SLCO6A1: variants seen among roughly 807,000 people sequenced by gnomAD.
SLCO6A1 encodes the protein cancer/testis antigen 48.
Under a neutral mutation model 72.7 loss-of-function variants are expected in SLCO6A1, and 65 were observed. The ratio of observed to expected loss-of-function variants is 0.89; its 90% CI spans 0.73 to 1.10. The LOEUF is 1.10. SLCO6A1 is among the 50% of genes least tolerant of loss of function. The probability of loss-of-function intolerance (pLI) is 0.00; values close to 1 mark genes in which losing one functional copy is unlikely to be tolerated. For synonymous variants in SLCO6A1, 314 were observed against 298.2 expected (o/e 1.05, Z -0.55); for missense variants, 874 against 872.6 (o/e 1.00, Z -0.02).
At chr5:102,459,604 T>C (rs1561480010) in intron 5 of SLCO6A1, 52 bp downstream of exon 5, 9 of 1,515,372 alleles carry the variant, frequency 5.9e-6, no homozygotes, top group South Asian at 5.3e-5. Context: ...ATAAGAACCA[T>C]GGTGGAAGAA....
At chr5:102,432,338 T>G (rs1036901928) in intron 7 of SLCO6A1, among the ~76,000 whole-genome samples, 17 of 152,184 alleles carry the variant, frequency 1.1e-4, no homozygotes, top group African/African-American at 3.9e-4. Context: ...GTCAATGGTT[T>G]GCATACTTAA....
At chr5:102,393,580 T>G (rs1746892486) in intron 10 of SLCO6A1, among the ~76,000 whole-genome samples, 1 of 152,184 alleles carries the variant, frequency 6.6e-6, no homozygotes, top group Admixed American at 6.5e-5. Context: ...TTTTCTATTT[T>G]GTTTGGAGTA....
At chr5:102,456,025 T>G (rs554158454) in intron 6 of SLCO6A1, among the ~76,000 whole-genome samples, 1 of 152,196 alleles carries the variant, frequency 6.6e-6, no homozygotes, top group African/African-American at 2.4e-5. Context: ...TCTCAATATA[T>G]GCAGAAAAGG....
chr5:102,437,304 T>C (rs1029625867), intron 7 of SLCO6A1, among the ~76,000 whole-genome samples: 1 of 152,162 alleles, frequency 6.6e-6, no homozygotes, highest in African/African-American at 2.4e-5. Flanking sequence ...ATGTATTCTG[T>C]TATACTTTGA....
At chr5:102,391,459 G>A (rs1746754092) in intron 10 of SLCO6A1, among the ~76,000 whole-genome samples, 1 of 152,070 alleles carries the variant, frequency 6.6e-6, no homozygotes, top group Non-Finnish European at 1.5e-5. Flanking sequence ...GGGAGGCTGA[G>A]GTAAATGGAC....
At chr5:102,413,248 TTTC>T (rs1748089958) in intron 8 of SLCO6A1, 105 bp from the exon 9 acceptor site, 2 of 1,165,096 alleles carry the variant, frequency 1.7e-6, no homozygotes, top group African/African-American at 3.3e-5. Context: ...ATTGAAATAA[TTTC>T]TTTTTTTAAC....
chr5:102,457,392 A>C (rs958590670), intron 6 of SLCO6A1, among the ~76,000 whole-genome samples: 5 of 151,930 alleles, frequency 3.3e-5, no homozygotes, highest in South Asian at 2.1e-4. Context: ...CAATGAACTC[A>C]AACAAATTTA....
intron 7 of SLCO6A1, among the ~76,000 whole-genome samples, chr5:102,422,846 A>G (rs1377897028): frequency 6.6e-6 from 1 of 152,196 alleles, no homozygotes; most frequent in Non-Finnish European, 1.5e-5. Context: ...GGTTAAAACA[A>G]AGCAAAAAAT....
intron 9 of SLCO6A1, among the ~76,000 whole-genome samples, chr5:102,403,247 T>C (rs918891097): frequency 3.3e-5 from 5 of 152,208 alleles, no homozygotes; most frequent in African/African-American, 9.6e-5. Flanking sequence ...GGAGTATTTT[T>C]CTTACCCAAA....
At chr5:102,463,164 AAAATGCTCAATATCACTGATT>A (rs1208155220) in intron 4 of SLCO6A1, among the ~76,000 whole-genome samples, 1 of 152,234 alleles carries the variant, frequency 6.6e-6, no homozygotes, top group Non-Finnish European at 1.5e-5. Flanking sequence ...AACATATGAA[AAAATGCTCAATATCACTGATT>A]ATCAAGGGAA....
Position 102,406,464 on chromosome 5 carries a change from C to T in SLCO6A1, c.1626+6526G>A, listed in dbSNP as rs192174101. Among the ~76,000 whole-genome samples the T allele has an allele frequency of 7.2e-5, 11 of 151,840 alleles. No homozygotes were observed. In the East Asian group the frequency reaches 2.1e-3, roughly 29 times the overall value. On this transcript the variant is annotated intron_variant, in intron 9 of 13. Transcript: ENST00000506729. ...GGCATATACACGTTAATACACAACA[C>T]AAAAATAAAGAGAAATAGACAATTA...
At chr5:102,386,386 C>T (rs1246731612) in intron 12 of SLCO6A1, among the ~76,000 whole-genome samples, 1 of 152,106 alleles carries the variant, frequency 6.6e-6, no homozygotes, top group African/African-American at 2.4e-5. Context: ...TTGGGGTGGG[C>T]CTTGTTTCTG....
At chr5:102,381,623 C>A (rs765401298) in intron 12 of SLCO6A1, among the ~76,000 whole-genome samples, 14 of 151,470 alleles carry the variant, frequency 9.2e-5, no homozygotes, top group Non-Finnish European at 2.1e-4. Context: ...TGTGGTAGTT[C>A]TATTTCTAAT....
chr5:102,380,151 T>TA (rs1746030799), intron 12 of SLCO6A1, among the ~76,000 whole-genome samples: 1 of 151,972 alleles, frequency 6.6e-6, no homozygotes, highest in Non-Finnish European at 1.5e-5. Context: ...GTTCAATTTA[T>TA]AAAAAAAGTG....
At chr5:102,412,642 TTTCAACTATCCTGTAGGC>T (rs1339237828) in intron 9 of SLCO6A1, among the ~76,000 whole-genome samples, 1 of 151,936 alleles carries the variant, frequency 6.6e-6, no homozygotes, top group Non-Finnish European at 1.5e-5. Context: ...GCGCCTGTAG[TTTCAACTATCCTGTAGGC>T]TGAGGTGGGA....
At chr5:102,474,534 T>C (rs1451567661) in intron 4 of SLCO6A1, among the ~76,000 whole-genome samples, 1 of 151,974 alleles carries the variant, frequency 6.6e-6, no homozygotes, top group Non-Finnish European at 1.5e-5. Flanking sequence ...TTTTGGATAT[T>C]ACACCAAAAG....
rs745712691 is a variant in SLCO6A1, at chr5:102,464,434, TAAG to T, written c.900-4660_900-4658del. On this transcript the variant is annotated intron_variant, in intron 4 of 13. Coordinates refer to ENST00000506729, the MANE Select transcript of SLCO6A1 (RefSeq NM_173488.5). ...ACCAATATAAAAATAAGACAGGAAA[TAAG>T]AAGCAAATTCAAAAAAATACAGAAG... is the stretch of plus-strand genomic sequence containing the variant. 7.9e-5 allele frequency among the ~76,000 whole-genome samples: 12 copies of T among 152,082 alleles called. No individual in the cohort carries two copies. In the Middle Eastern group the frequency reaches 0.01, roughly 130 times the overall value.
chr5:102,476,984 T>C, intron 3 of SLCO6A1, among the ~76,000 whole-genome samples: 1 of 152,136 alleles, frequency 6.6e-6, no homozygotes, highest in East Asian at 1.9e-4. Flanking sequence ...GATTACTTAT[T>C]GTAGGATACA....
At chr5:102,406,999 G>GTCTC (rs3070360) in intron 9 of SLCO6A1, among the ~76,000 whole-genome samples, 97,968 of 151,626 alleles carry the variant, frequency 0.65, 31,836 homozygotes, top group African/African-American at 0.66. Flanking sequence ...ACACCCAAGA[G>GTCTC]TCCCTCTATT....
Sources: allele counts gnomAD v4.1 joint callset (sites outside exome capture counted in the v4.1 genomes callset), GRCh38; gene constraint gnomAD v4.1.1; transcripts MANE v1.5; gene names NCBI Gene and HGNC (gene_info 2026-07-23, HGNC 2026-07-21).